The following RNLS variants were observed in gnomAD, a reference collection of about 807,000 sequenced individuals.
The protein encoded by RNLS is renalase, FAD dependent amine oxidase, also known as renalase.
A neutral mutation model predicts 39.8 loss-of-function variants in RNLS; 39 were observed. That is an observed-to-expected ratio of 0.98 (90% CI 0.76 to 1.28). The LOEUF (loss-of-function observed/expected upper bound fraction) is 1.28, where lower values mean the gene tolerates loss of function less well. Ranked by LOEUF, RNLS falls within the 50% of genes most tolerant of loss-of-function variation. RNLS has a pLI of 0.00. For missense variants in RNLS, 410 were observed against 413.3 expected (o/e 0.99, Z 0.07); for synonymous variants, 147 against 150.7 (o/e 0.98, Z 0.18).
At chr10:88,542,660 A>AG (rs1848108107) in intron 4 of RNLS, among the ~76,000 whole-genome samples, 1 of 152,202 alleles carries the variant, frequency 6.6e-6, no homozygotes. Context: ...ACAGCACTGC[A>AG]TGATCTTCTG....
At chr10:88,232,947 A>G in the RNLS span, among the ~76,000 whole-genome samples, 8 of 152,362 alleles carry the variant, frequency 5.3e-5, no homozygotes, top group African/African-American at 1.9e-4. Context: ...AAGTATGTAC[A>G]TGTTCCAATC....
At chr10:88,184,286 C>A in the RNLS span, among the ~76,000 whole-genome samples, 1 of 152,086 alleles carries the variant, frequency 6.6e-6, no homozygotes, top group Non-Finnish European at 1.5e-5. Context: ...ATTCAACTAC[C>A]CAGGCCTTGA....
At chr10:88,283,892 G>A (rs1204421341), downstream of RNLS, among the ~76,000 whole-genome samples, 4 of 151,868 alleles carry the variant, frequency 2.6e-5, no homozygotes, top group East Asian at 3.9e-4. Context: ...AAAATAATCC[G>A]TACAACAAAT....
chr10:88,352,341 A>G (rs1256671976), intron 5 of RNLS, among the ~76,000 whole-genome samples: 1 of 152,216 alleles, frequency 6.6e-6, no homozygotes. Context: ...TGGGTTTGTC[A>G]TAAATAGCTC....
intron 6 of RNLS, among the ~76,000 whole-genome samples, chr10:88,286,396 A>C (rs1395675921): frequency 6.6e-6 from 1 of 152,054 alleles, no homozygotes; most frequent in Admixed American, 6.6e-5. Context: ...TCTGGAGAAA[A>C]TATTCTCAAA....
chr10:88,445,156 C>A lies in RNLS; in HGVS notation c.527-82431G>T, dbSNP rs188640126. 1.8e-3 allele frequency among the ~76,000 whole-genome samples: 272 copies of A among 152,166 alleles called. 2 individuals are homozygous for A. The highest frequency in any genetic ancestry group is 6.3e-3 in the African/African-American group (260 of 41,514). ...TCTACAAGCCAGAAGAGAGTGAGGA[C>A]CAACATTCAACATTCGTAAAGAAAA... On this transcript the variant is annotated intron_variant, in intron 4 of 6. Transcript: ENST00000331772.
the RNLS span, among the ~76,000 whole-genome samples, chr10:88,230,568 G>A: frequency 1.3e-5 from 2 of 152,118 alleles, no homozygotes; most frequent in Non-Finnish European, 2.9e-5. Context: ...ACATCTACTG[G>A]TAATAATGTT....
chr10:88,482,902 G>C (rs566862722), intron 4 of RNLS, among the ~76,000 whole-genome samples: 6 of 151,862 alleles, frequency 4.0e-5, no homozygotes, highest in Non-Finnish European at 7.4e-5. Context: ...TGATATCCCT[G>C]CTCAGTTTTC....
At chr10:88,396,043 A>T (rs1852538173) in intron 4 of RNLS, among the ~76,000 whole-genome samples, 2 of 152,110 alleles carry the variant, frequency 1.3e-5, no homozygotes, top group African/African-American at 4.8e-5. Flanking sequence ...AAGCAAAAAA[A>T]CTGTGGTAAC....
In RNLS at chr10:88,582,217, G is replaced by A. The variant is rs767642829; in HGVS notation, c.209C>T (p.Ala70Val). 2.1e-5 allele frequency: 34 copies of A among 1,612,438 alleles called. No individual in the cohort carries two copies. Among genetic ancestry groups the A allele is most frequent in the Non-Finnish European group, 2.8e-5 (33 of 1,179,256 alleles). Residue 70 changes from alanine (A) to valine (V), a missense_variant, in exon 2 of 7, where the codon GCC becomes GTC. Transcript: ENST00000331772. ...AQYITCTPHYAKKHQRFYDEL... is the reference protein window; with the variant it reads ...AQYITCTPHYVKKHQRFYDEL... ...ACTAACTCACCGTTGGTGTTTTTTG[G>A]CATAATGAGGAGTGCAGGTGATGTA...
chr10:88,178,583 C>T, the RNLS span, among the ~76,000 whole-genome samples: 3 of 152,322 alleles, frequency 2.0e-5, no homozygotes, highest in South Asian at 2.1e-4. Flanking sequence ...TGCTTTGCTT[C>T]CCTCTCTATG....
chr10:88,288,378 A>G (rs749480242), intron 6 of RNLS, among the ~76,000 whole-genome samples: 2 of 152,260 alleles, frequency 1.3e-5, no homozygotes, highest in Non-Finnish European at 2.9e-5. Context: ...ATATTTCCAT[A>G]AAGACTCGAT....
intron 4 of RNLS, among the ~76,000 whole-genome samples, chr10:88,365,648 C>T (rs756769071): frequency 6.6e-6 from 1 of 151,352 alleles, no homozygotes; most frequent in Non-Finnish European, 1.5e-5. Context: ...AGTAAAATGG[C>T]TAAAAATTGT....
chr10:88,267,402 C>G, the RNLS span, among the ~76,000 whole-genome samples: 1 of 152,070 alleles, frequency 6.6e-6, no homozygotes, highest in Non-Finnish European at 1.5e-5. Flanking sequence ...ATAGCGAGAC[C>G]CCCTCTTCAC....
intron 4 of RNLS, among the ~76,000 whole-genome samples, chr10:88,449,932 A>G (rs1406505945): frequency 6.6e-6 from 1 of 152,174 alleles, no homozygotes; most frequent in Admixed American, 6.5e-5. Context: ...AAAATGTCCA[A>G]TTCTTGGCTT....
At chr10:88,577,991 G>A (rs1324295346) in intron 3 of RNLS, among the ~76,000 whole-genome samples, 1 of 151,988 alleles carries the variant, frequency 6.6e-6, no homozygotes, top group Non-Finnish European at 1.5e-5. Flanking sequence ...CAGATTGTGG[G>A]GTTTTAAACT....
At chr10:88,231,548 G>A in the RNLS span, among the ~76,000 whole-genome samples, 1 of 152,140 alleles carries the variant, frequency 6.6e-6, no homozygotes, top group Admixed American at 6.5e-5. Flanking sequence ...AGGATTTAGT[G>A]GAATAAATTT....
At chr10:88,542,394 TTGTC>T (rs1242331715) in intron 4 of RNLS, among the ~76,000 whole-genome samples, 2 of 152,182 alleles carry the variant, frequency 1.3e-5, no homozygotes, top group African/African-American at 4.8e-5. Context: ...ATACCCTTGT[TTGTC>T]TTTGTTTTAT....
chr10:88,239,452 G>A, the RNLS span, among the ~76,000 whole-genome samples: 313 of 152,304 alleles, frequency 2.1e-3, 1 homozygote, highest in African/African-American at 7.0e-3. Context: ...ACCAGGCAGT[G>A]ATGAAATAGT....
Sources: allele counts gnomAD v4.1 joint callset (sites outside exome capture counted in the v4.1 genomes callset), GRCh38; gene constraint gnomAD v4.1.1; transcripts MANE v1.5; gene names NCBI Gene and HGNC (gene_info 2026-07-23, HGNC 2026-07-21).